The following ADD3 variants were observed in gnomAD, a reference collection of about 807,000 sequenced individuals.
The protein encoded by ADD3 is gamma-adducin.
Under a neutral mutation model 80.2 loss-of-function variants are expected in ADD3, and 25 were observed. The ratio of observed to expected loss-of-function variants is 0.31; its 90% CI spans 0.23 to 0.44. The LOEUF (loss-of-function observed/expected upper bound fraction) is 0.44. Among genes scored for constraint, ADD3 ranks in the 20% least tolerant of loss-of-function variants. ADD3 has a pLI of 1.00. For missense variants in ADD3, 829 were observed against 847.5 expected (o/e 0.98, Z 0.27); for synonymous variants, 284 against 289.6 (o/e 0.98, Z 0.20).
intron 1 of ADD3, among the ~76,000 whole-genome samples, chr10:110,030,263 C>T (rs1044924703): frequency 1.6e-4 from 24 of 149,010 alleles, no homozygotes; most frequent in African/African-American, 4.9e-4. Flanking sequence ...GCGGAGGTTG[C>T]GGTGAGCCAA....
intron 13 of ADD3, among the ~76,000 whole-genome samples, chr10:110,131,937 T>A (rs7904033): frequency 0.018 from 2,675 of 152,354 alleles, 71 homozygotes; most frequent in African/African-American, 0.059. Flanking sequence ...TGAAGCATTC[T>A]GCCTCATTAA....
At position 110,066,800 on chromosome 10, in the gene ADD3, T is replaced by A. The variant is rs923286974; in HGVS notation, c.-29-33825T>A. ...AAGCAGCTTATATTTCTTTGAGATA[T>A]AATTGTCTAGAATTTTTTGGAAATT... On this transcript the variant is annotated intron_variant, in intron 1 of 14. Transcript: ENST00000356080. Among the ~76,000 whole-genome samples the A allele has an allele frequency of 3.9e-5, 6 of 152,342 alleles. No individual in the cohort carries two copies. The East Asian group carries it at 9.6e-4, about 24-fold the overall frequency.
intron 1 of ADD3, among the ~76,000 whole-genome samples, chr10:110,018,102 T>C (rs1362952641): frequency 6.6e-6 from 1 of 152,174 alleles, no homozygotes; most frequent in Non-Finnish European, 1.5e-5. Context: ...ACTCAGACTT[T>C]CCCAGTCAAA....
At chr10:110,080,217 G>A (rs928519278) in intron 1 of ADD3, among the ~76,000 whole-genome samples, 2 of 152,290 alleles carry the variant, frequency 1.3e-5, no homozygotes, top group East Asian at 1.9e-4. Flanking sequence ...TCAAAGTCGG[G>A]TAACTTGGGT....
chr10:110,112,582 TC>T (rs1565000182), intron 2 of ADD3, among the ~76,000 whole-genome samples, 194 bp from the exon 3 acceptor site: 1 of 152,186 alleles, frequency 6.6e-6, no homozygotes, highest in Admixed American at 6.5e-5. Flanking sequence ...CTAGTGGTTT[TC>T]CCCCCTAAAA....
intron 1 of ADD3, among the ~76,000 whole-genome samples, chr10:110,020,345 T>C (rs998248077): frequency 1.3e-5 from 2 of 152,288 alleles, no homozygotes; most frequent in South Asian, 2.1e-4. Context: ...ATAAATGTTA[T>C]GGAGCAATAT....
chr10:110,025,227 G>C (rs116116389), intron 1 of ADD3, among the ~76,000 whole-genome samples: 1 of 151,868 alleles, frequency 6.6e-6, no homozygotes, highest in South Asian at 2.1e-4. Context: ...CTTTCCTAGC[G>C]TCCGTTCCAC....
chr10:110,070,458 A>G (rs1844526534), intron 1 of ADD3, among the ~76,000 whole-genome samples: 1 of 112,832 alleles, frequency 8.9e-6, no homozygotes, highest in Non-Finnish European at 2.0e-5. Context: ...AATTTAAAAA[A>G]TCTAAAATCA....
intron 1 of ADD3, among the ~76,000 whole-genome samples, chr10:110,079,630 A>T (rs1238619138): frequency 6.6e-6 from 1 of 151,608 alleles, no homozygotes; most frequent in Non-Finnish European, 1.5e-5. Context: ...ATCTTGGCTC[A>T]CTGCAACCTC....
At chr10:110,095,420 A>G (rs1439430467) in intron 1 of ADD3, among the ~76,000 whole-genome samples, 1 of 152,194 alleles carries the variant, frequency 6.6e-6, no homozygotes, top group African/African-American at 2.4e-5. Flanking sequence ...TTCTACCTCT[A>G]TAGATTTGTC....
intron 1 of ADD3, among the ~76,000 whole-genome samples, chr10:110,012,326 A>C (rs1852429253): frequency 1.3e-5 from 2 of 152,252 alleles, no homozygotes; most frequent in African/African-American, 4.8e-5. Context: ...TCAAAATTGA[A>C]TTGCCAGTTG....
At chr10:110,040,151 T>C (rs1484759989) in intron 1 of ADD3, among the ~76,000 whole-genome samples, 1 of 152,214 alleles carries the variant, frequency 6.6e-6, no homozygotes, top group Non-Finnish European at 1.5e-5. Context: ...ATACTCATGC[T>C]GTTAGGTAAA....
At chr10:110,006,597 G>A (rs1851652554), upstream of ADD3, among the ~76,000 whole-genome samples, 1 of 152,188 alleles carries the variant, frequency 6.6e-6, no homozygotes, top group South Asian at 2.1e-4. Context: ...GAGCAAATGG[G>A]AGATGGTGGT....
chr10:110,109,465 AG>A (rs1240855136), intron 2 of ADD3, among the ~76,000 whole-genome samples: 1 of 152,128 alleles, frequency 6.6e-6, no homozygotes. Context: ...AATCTGTGGA[AG>A]CTGCCTTAAA....
At chr10:110,130,298 A>C (rs545504993) in intron 12 of ADD3, 65 bp from the exon 13 acceptor site, 1 of 1,520,540 alleles carries the variant, frequency 6.6e-7, no homozygotes, top group Non-Finnish European at 9.1e-7. Context: ...ATATAGATGG[A>C]TGGATGGATA....
intron 1 of ADD3, among the ~76,000 whole-genome samples, chr10:110,051,248 G>T (rs2133393519): frequency 6.6e-6 from 1 of 152,268 alleles, no homozygotes; most frequent in Non-Finnish European, 1.5e-5. Flanking sequence ...ATTTGGAAAT[G>T]ATTTCTTGGA....
chr10:110,101,953 T>G (rs1159299130), intron 2 of ADD3, among the ~76,000 whole-genome samples: 1 of 152,162 alleles, frequency 6.6e-6, no homozygotes, highest in East Asian at 1.9e-4. Context: ...GAAGTAGCCC[T>G]GGTAAATCAT....
chr10:110,012,577 C>T (rs1304099226), intron 1 of ADD3, among the ~76,000 whole-genome samples: 1 of 152,138 alleles, frequency 6.6e-6, no homozygotes, highest in Non-Finnish European at 1.5e-5. Flanking sequence ...CTAGCATAAT[C>T]CAAATAGTAG....
chr10:110,105,731 G>A (rs529514129), intron 2 of ADD3, among the ~76,000 whole-genome samples: 5 of 152,290 alleles, frequency 3.3e-5, no homozygotes, highest in African/African-American at 7.2e-5. Context: ...GAGGAGAAAC[G>A]TCAAAGGCAT....
Sources: gnomAD v4.1 joint callset for allele counts (sites outside exome capture counted in the v4.1 genomes callset) on GRCh38, gnomAD v4.1.1 for gene constraint, MANE v1.5 for transcripts, NCBI Gene and HGNC (gene_info 2026-07-23, HGNC 2026-07-21) for gene names.